GLIS3: variants seen among roughly 807,000 people sequenced by gnomAD.
GLIS3 encodes GLIS family zinc finger 3.
A neutral mutation model predicts 78.6 loss-of-function variants in GLIS3; 53 were observed. That is an observed-to-expected ratio of 0.67 (90% CI 0.54 to 0.85). GLIS3 has a LOEUF of 0.85. GLIS3 is among the 40% of genes least tolerant of loss of function. The pLI is 0.00. For synonymous variants in GLIS3, 684 were observed against 509.9 expected (o/e 1.34, Z -4.60); for missense variants, 1,703 against 1,231.1 (o/e 1.38, Z -5.74).
chr9:4,309,239 A>G (rs992456357), intron 3 of GLIS3, among the ~76,000 whole-genome samples: 1 of 152,242 alleles, frequency 6.6e-6, no homozygotes, highest in Non-Finnish European at 1.5e-5. Context: ...CTGTCTACAT[A>G]ATAGGCACTC....
At chr9:4,243,294 A>G (rs530389285) in intron 2 of GLIS3, among the ~76,000 whole-genome samples, 1 of 152,316 alleles carries the variant, frequency 6.6e-6, no homozygotes, top group East Asian at 1.9e-4. Flanking sequence ...GATCAGTCAG[A>G]GTGATTGAGG....
At position 4,117,752 on chromosome 9, in the gene GLIS3, C is replaced by G. The variant is rs142098538; in HGVS notation, c.1710+16G>C. ...GGCCTTCAAGAGAGGTCACCCCTTG[C>G]GCTTCGGAAACTCACCGTACACTTG... On this transcript the variant is annotated intron_variant, in intron 4 of 10. Transcript: ENST00000381971. 1 of 1,614,142 alleles carries G rather than the reference C, an allele frequency of 6.2e-7. No homozygotes were observed. Among genetic ancestry groups the G allele is most frequent in the African/African-American group, 1.3e-5 (1 of 75,036 alleles).
chr9:4,459,880 C>T, the GLIS3 span, among the ~76,000 whole-genome samples: 1 of 152,164 alleles, frequency 6.6e-6, no homozygotes, highest in Admixed American at 6.5e-5. Flanking sequence ...CTAAATGCTG[C>T]TGAATGATGG....
intron 8 of GLIS3, among the ~76,000 whole-genome samples, chr9:3,858,926 A>T (rs897542265): frequency 1.3e-5 from 2 of 152,236 alleles, no homozygotes; most frequent in Non-Finnish European, 2.9e-5. Flanking sequence ...ACATAGTACC[A>T]TACTTAAAAT....
chr9:4,476,265 T>C, the GLIS3 span, among the ~76,000 whole-genome samples: 40 of 152,346 alleles, frequency 2.6e-4, no homozygotes, highest in East Asian at 7.5e-3. Context: ...CAGTATCTTT[T>C]AAATATAGTA....
intron 8 of GLIS3, among the ~76,000 whole-genome samples, chr9:3,864,728 A>T (rs528315488): frequency 6.6e-6 from 1 of 152,340 alleles, no homozygotes; most frequent in African/African-American, 2.4e-5. Context: ...GATAAGACTC[A>T]ACATTTGACT....
chr9:4,326,120 T>C (rs905174499), intron 2 of GLIS3, among the ~76,000 whole-genome samples: 1 of 152,172 alleles, frequency 6.6e-6, no homozygotes, highest in Non-Finnish European at 1.5e-5. Flanking sequence ...TCCTAGGTGA[T>C]GGGTTGATCT....
intron 4 of GLIS3, among the ~76,000 whole-genome samples, chr9:4,061,555 A>G (rs1269146574): frequency 6.6e-6 from 1 of 152,194 alleles, no homozygotes; most frequent in African/African-American, 2.4e-5. Flanking sequence ...GGAACCTCAT[A>G]TAAATAGCCA....
chr9:3,971,971 A>T (rs542166706), intron 4 of GLIS3, among the ~76,000 whole-genome samples: 2 of 152,142 alleles, frequency 1.3e-5, no homozygotes, highest in South Asian at 4.1e-4. Context: ...GAGTAACAGG[A>T]AAGATCCCGC....
the GLIS3 span, among the ~76,000 whole-genome samples, chr9:4,476,238 G>A: frequency 0.18 from 26,725 of 152,118 alleles, 2,491 homozygotes; most frequent in Admixed American, 0.21. Context: ...GAATAACACA[G>A]GGAAAATAAT....
chr9:4,409,975 G>T, the GLIS3 span, among the ~76,000 whole-genome samples: 2 of 152,052 alleles, frequency 1.3e-5, no homozygotes, highest in African/African-American at 4.8e-5. Context: ...TGGGAGGTCT[G>T]TATGGGTTTC....
At chr9:3,881,821 T>C (rs770242119) in intron 7 of GLIS3, among the ~76,000 whole-genome samples, 1 of 152,216 alleles carries the variant, frequency 6.6e-6, no homozygotes, top group Non-Finnish European at 1.5e-5. Context: ...ATATCGATTT[T>C]ACCAAAATAC....
chr9:4,455,197 G>A, the GLIS3 span, among the ~76,000 whole-genome samples: 1 of 152,200 alleles, frequency 6.6e-6, no homozygotes, highest in Non-Finnish European at 1.5e-5. Flanking sequence ...TCACATCGGT[G>A]AGTCCATAAA....
intron 6 of GLIS3, among the ~76,000 whole-genome samples, chr9:3,926,239 T>TG (rs1285788411): frequency 1.3e-5 from 2 of 149,558 alleles, no homozygotes; most frequent in East Asian, 1.9e-4. Flanking sequence ...TTTTGTTTTT[T>TG]TTTTTTTCTT....
At chr9:4,081,400 T>A (rs968782111) in intron 4 of GLIS3, 2 of 152,200 alleles carry the variant, frequency 1.3e-5, no homozygotes, top group South Asian at 4.1e-4. Flanking sequence ...TGCACCTACA[T>A]TTGGCCATGT....
At chr9:4,121,397 C>G (rs1832168933) in intron 3 of GLIS3, among the ~76,000 whole-genome samples, 1 of 152,064 alleles carries the variant, frequency 6.6e-6, no homozygotes, top group Admixed American at 6.6e-5. Context: ...TTCCCAGTGC[C>G]TGCCAGAATG....
chr9:4,361,702 A>G, the GLIS3 span, among the ~76,000 whole-genome samples: 1 of 152,232 alleles, frequency 6.6e-6, no homozygotes, highest in Non-Finnish European at 1.5e-5. Flanking sequence ...TGACCTCGCA[A>G]ATATAAAGGG....
At chr9:3,954,607 T>C (rs1816961007) in intron 4 of GLIS3, among the ~76,000 whole-genome samples, 1 of 152,236 alleles carries the variant, frequency 6.6e-6, no homozygotes, top group Admixed American at 6.5e-5. Context: ...TTTCCTACAG[T>C]ATTCAATATG....
chr9:4,216,643 C>T (rs546010753), intron 2 of GLIS3, among the ~76,000 whole-genome samples: 18 of 152,220 alleles, frequency 1.2e-4, no homozygotes, highest in Admixed American at 9.2e-4. Context: ...GTGATGCATA[C>T]CTAGTTGCTT....
Sources: gnomAD v4.1 joint callset for allele counts (sites outside exome capture counted in the v4.1 genomes callset) on GRCh38, gnomAD v4.1.1 for gene constraint, MANE v1.5 for transcripts, NCBI Gene and HGNC (gene_info 2026-07-23, HGNC 2026-07-21) for gene names.